Variants in SH2D4B observed in about 807,000 individuals in gnomAD.
SH2D4B encodes SH2 domain-containing protein 4B.
A neutral mutation model predicts 61.5 loss-of-function variants in SH2D4B; 45 were observed. The ratio of observed to expected loss-of-function variants is 0.73; its 90% confidence interval spans 0.58 to 0.94. The LOEUF is 0.94. Among genes scored for constraint, SH2D4B ranks in the 40% least tolerant of loss-of-function variants. SH2D4B has a pLI of 0.00. For missense variants in SH2D4B, 572 were observed against 574.2 expected (o/e 1.00, Z 0.04); for synonymous variants, 224 against 220.4 (o/e 1.02, Z -0.14).
chr10:80,569,548 G>A (rs187749619), intron 1 of SH2D4B, among the ~76,000 whole-genome samples: 17 of 139,848 alleles, frequency 1.2e-4, no homozygotes, highest in African/African-American at 2.6e-4. Flanking sequence ...GGGAAGAGGC[G>A]GGGGGGTTGA....
chr10:80,562,034 C>CAT (rs1841907229), intron 1 of SH2D4B, among the ~76,000 whole-genome samples: 3 of 144,122 alleles, frequency 2.1e-5, no homozygotes, highest in African/African-American at 8.2e-5. Flanking sequence ...CAATTACACA[C>CAT]ACACACACAC....
chr10:80,556,848 GA>G (rs1841844187), intron 1 of SH2D4B, among the ~76,000 whole-genome samples: 3 of 152,186 alleles, frequency 2.0e-5, no homozygotes, highest in African/African-American at 7.2e-5. Context: ...TATGCAAATG[GA>G]GACAAATTAA....
Position 80,571,416 on chromosome 10 carries a change from G to A in SH2D4B, c.348-15G>A. 5.0e-6 allele frequency: 8 copies of A among 1,613,354 alleles called. No homozygotes were observed. Among genetic ancestry groups the A allele is most frequent in the Non-Finnish European group, 6.8e-6 (8 of 1,179,616 alleles). On this transcript the variant is annotated splice_polypyrimidine_tract_variant and intron_variant, in intron 2 of 7. Coordinates refer to ENST00000646907, the MANE Select transcript of SH2D4B (RefSeq NM_001388272.1). ...TTTTTCACACAAGCTTATACCTGTG[G>A]TGCTCTCTTGGTAGGAGACAGAAGG... is the stretch of plus-strand genomic sequence containing the variant.
intron 3 of SH2D4B, among the ~76,000 whole-genome samples, chr10:80,575,453 T>C (rs4547039): frequency 0.41 from 62,458 of 151,914 alleles, 16,006 homozygotes; most frequent in African/African-American, 0.73. Flanking sequence ...TAGCAGCTAC[T>C]GACAATTTAG....
intron 4 of SH2D4B, 158 bp downstream of exon 4, chr10:80,588,935 A>G (rs1236535853): frequency 2.5e-6 from 2 of 788,784 alleles, no homozygotes; most frequent in Non-Finnish European, 4.0e-6. Flanking sequence ...AAGAATTTAG[A>G]GGGTAAGTTA....
At chr10:80,566,302 T>C (rs1167002811) in intron 1 of SH2D4B, among the ~76,000 whole-genome samples, 2 of 149,896 alleles carry the variant, frequency 1.3e-5, no homozygotes, top group African/African-American at 2.4e-5. Flanking sequence ...AATTTCTTTT[T>C]TTTTTTTTTT....
intron 1 of SH2D4B, among the ~76,000 whole-genome samples, chr10:80,569,663 C>T (rs1029025568): frequency 2.0e-5 from 3 of 151,068 alleles, no homozygotes; most frequent in East Asian, 1.9e-4. Flanking sequence ...AACATGACAT[C>T]GTTACTTGTG....
At position 80,600,520 on chromosome 10, in the gene SH2D4B, CAT is replaced by C. The variant is rs566607450; in HGVS notation, c.644-3058_644-3057del. 7.0e-3 allele frequency among the ~76,000 whole-genome samples: 933 copies of C among 133,708 alleles called. 4 individuals carry two copies. The highest frequency in any genetic ancestry group is 0.025 in the South Asian group (107 of 4,346). 87.7% of individuals were successfully genotyped at this position (133,708 alleles called of 152,430 possible). On this transcript the variant is annotated intron_variant, in intron 4 of 7. Coordinates refer to ENST00000646907, the MANE Select transcript of SH2D4B (RefSeq NM_001388272.1). ...GTGGTGGAGCTACAGTGCAGAGTGG[CAT>C]GTGTGTGTGTGTGTGTGTGTGTGTG...
intron 3 of SH2D4B, among the ~76,000 whole-genome samples, chr10:80,584,091 T>C (rs1842215599): frequency 6.6e-6 from 1 of 152,222 alleles, no homozygotes; most frequent in Non-Finnish European, 1.5e-5. Flanking sequence ...TGTGCTCAGC[T>C]AAATTGGCAG....
At chr10:80,621,048 C>T (rs973930817) in intron 6 of SH2D4B, among the ~76,000 whole-genome samples, 8 of 152,216 alleles carry the variant, frequency 5.3e-5, no homozygotes, top group African/African-American at 1.9e-4. Context: ...CCATACACTA[C>T]AGTTTTCTTG....
intron 6 of SH2D4B, among the ~76,000 whole-genome samples, chr10:80,610,049 C>T (rs549835530): frequency 6.6e-6 from 1 of 152,286 alleles, no homozygotes; most frequent in East Asian, 1.9e-4. Context: ...ACCTTGTTTC[C>T]AAAGCTCTGG....
At chr10:80,557,052 G>C (rs1444688038) in intron 1 of SH2D4B, among the ~76,000 whole-genome samples, 1 of 152,102 alleles carries the variant, frequency 6.6e-6, no homozygotes, top group East Asian at 1.9e-4. Context: ...GCATTTATCA[G>C]AGTGAGGAAC....
intron 1 of SH2D4B, among the ~76,000 whole-genome samples, chr10:80,556,665 T>G (rs1466182152): frequency 6.6e-6 from 1 of 152,232 alleles, no homozygotes; most frequent in Non-Finnish European, 1.5e-5. Context: ...CTGATGCTAT[T>G]GTAAATGGCA....
intron 5 of SH2D4B, among the ~76,000 whole-genome samples, chr10:80,604,205 T>A (rs1189566410): frequency 6.6e-6 from 1 of 152,234 alleles, no homozygotes; most frequent in African/African-American, 2.4e-5. Context: ...GCTTGCTGCC[T>A]GTCGGAGCCC....
rs1384335125 is a variant in SH2D4B at position 80,562,035 on chromosome 10, A to G, written c.185-8119A>G. Among the ~76,000 whole-genome samples the G allele has an allele frequency of 4.8e-5, 7 of 145,252 alleles. No homozygotes were observed. The East Asian group carries it at 1.4e-3, about 29-fold the overall frequency. On this transcript the variant is annotated intron_variant, in intron 1 of 7. Coordinates refer to ENST00000646907, the MANE Select transcript of SH2D4B (RefSeq NM_001388272.1). Reference sequence around the variant, plus strand: ...GCCACTCACTCTTCCAATTACACACACACACACACACACACACACACACAC... The same window carrying G: ...GCCACTCACTCTTCCAATTACACACGCACACACACACACACACACACACAC...
chr10:80,596,900 C>T (rs759288927), intron 4 of SH2D4B, among the ~76,000 whole-genome samples: 10 of 152,138 alleles, frequency 6.6e-5, no homozygotes, highest in African/African-American at 1.9e-4. Context: ...CAACAGTATA[C>T]GCTTGGCCTT....
chr10:80,609,888 C>T (rs1477415938), intron 6 of SH2D4B, among the ~76,000 whole-genome samples: 3 of 152,164 alleles, frequency 2.0e-5, no homozygotes, highest in Non-Finnish European at 2.9e-5. Context: ...GGCTAGGACC[C>T]CCATCCCTGG....
intron 2 of SH2D4B, 53 bp from the exon 3 acceptor site, chr10:80,571,378 G>C: frequency 3.2e-6 from 5 of 1,568,174 alleles, no homozygotes; most frequent in Non-Finnish European, 3.5e-6. Context: ...TCTATTGTTA[G>C]GTGGTCCTTC....
chr10:80,555,367 GC>G (rs1266294064), intron 1 of SH2D4B, among the ~76,000 whole-genome samples: 1 of 150,702 alleles, frequency 6.6e-6, no homozygotes, highest in African/African-American at 2.4e-5. Context: ...TTCTCTCCCT[GC>G]CTACTGTTCA....
Sources: gnomAD v4.1 joint callset for allele counts (sites outside exome capture counted in the v4.1 genomes callset) on GRCh38, gnomAD v4.1.1 for gene constraint, MANE v1.5 for transcripts, NCBI Gene and HGNC (gene_info 2026-07-23, HGNC 2026-07-21) for gene names.